The following MBL2 variants were observed in gnomAD, a reference collection of about 807,000 sequenced individuals.
MBL2 encodes mannose binding lectin 2.
In MBL2, 6 loss-of-function variants were observed where a neutral mutation model predicts 12.7. The ratio of observed to expected loss-of-function variants is 0.47; its 90% CI spans 0.26 to 0.94. The LOEUF (loss-of-function observed/expected upper bound fraction) is 0.94. MBL2 is among the 40% of genes least tolerant of loss of function. The pLI is 0.15. For synonymous variants in MBL2, 114 were observed against 112.0 expected (o/e 1.02, Z -0.11); for missense variants, 307 against 295.2 (o/e 1.04, Z -0.29).
At position 52,766,255 on chromosome 10, in the gene MBL2, C is replaced by G. The variant is rs920175419; in HGVS notation, c.*1882G>C. On this transcript the variant is annotated 3_prime_UTR_variant, in exon 5 of 5. Transcript: ENST00000674931. ...TCTAATATTTATATGGAAATCTTGACTTTAAGAAGAACAAAGCTGGACTAT... is the reference window on the plus strand; with the variant it reads ...TCTAATATTTATATGGAAATCTTGAGTTTAAGAAGAACAAAGCTGGACTAT... The G allele has an allele frequency of 6.6e-6, 1 of 152,038 alleles. No individual in the cohort carries two copies. Among genetic ancestry groups the G allele is most frequent in the African/African-American group, 2.4e-5 (1 of 41,420 alleles). 9.4% of individuals were successfully genotyped at this position (152,038 alleles called of 1,614,324 possible). A position where few individuals can be genotyped will look rare whatever the true frequency, so the allele number is the denominator to read the frequency against.
At chr10:52,771,383 T>A in intron 2 of MBL2, 66 bp downstream of exon 2, 1 of 1,568,860 alleles carries the variant, frequency 6.4e-7, no homozygotes, top group Non-Finnish European at 8.7e-7. Flanking sequence ...ATCAGTCTCC[T>A]CATATCCCCA....
intron 1 of MBL2, among the ~76,000 whole-genome samples, chr10:52,772,429 T>C (rs1199590518): frequency 1.3e-5 from 2 of 152,134 alleles, no homozygotes; most frequent in Non-Finnish European, 2.9e-5. Flanking sequence ...GTATTAACCT[T>C]TCATTTGTTC....
At chr10:52,770,597 G>T in intron 3 of MBL2, 73 bp downstream of exon 3, 1 of 907,260 alleles carries the variant, frequency 1.1e-6, no homozygotes, top group Non-Finnish European at 1.5e-6. Flanking sequence ...CAGGAGAAGG[G>T]GCACCTCTTA....
chr10:52,768,228 T>G lies in MBL2; in HGVS notation c.656A>C (p.Asp219Ala). Reference protein sequence around the residue: ...NEGEPNNAGSDEDCVLLLKNG... With the variant: ...NEGEPNNAGSAEDCVLLLKNG... ...TTTCAGTAGCAATACACAATCTTCA[T>G]CAGAACCAGCATTGTTGGGTTCACC... Residue 219 changes from aspartate (D) to alanine (A), a missense_variant, in exon 5 of 5, where the codon GAT (aspartate) becomes GCT (alanine). Transcript: ENST00000674931. 1 of 1,613,862 alleles carries G rather than the reference T, an allele frequency of 6.2e-7. No individual in the cohort carries two copies.
Position 52,767,383 on chromosome 10 carries a change from A to C in MBL2, c.*754T>G, listed in dbSNP as rs1307034450. The C allele has an allele frequency of 6.6e-6, 1 of 152,054 alleles. No individual in the cohort carries two copies. The highest frequency in any genetic ancestry group is 1.9e-4 in the East Asian group (1 of 5,204). The allele number at this position is 152,054 out of a possible 1,614,324, so 9.4% of individuals were successfully genotyped here. A position where few individuals can be genotyped will look rare whatever the true frequency, so the allele number is the denominator to read the frequency against. On this transcript the variant is annotated 3_prime_UTR_variant, in exon 5 of 5. Transcript: ENST00000674931. ...TAATTCTGAGTAAACAAGACATACAACATTACACACAATATGATTCCAACT... is the reference window on the plus strand; with the variant it reads ...TAATTCTGAGTAAACAAGACATACACCATTACACACAATATGATTCCAACT...
At chr10:52,769,907 A>G (rs919331776) in intron 3 of MBL2, among the ~76,000 whole-genome samples, 5 of 135,582 alleles carry the variant, frequency 3.7e-5, no homozygotes, top group Non-Finnish European at 6.2e-5. Flanking sequence ...TCGCATTAAG[A>G]CATGAGTCTA....
rs1479168994 is a variant in MBL2, at chr10:52,766,254, A to C, written c.*1883T>G. On this transcript the variant is annotated 3_prime_UTR_variant, in exon 5 of 5. Transcript: ENST00000674931. ...TTCTAATATTTATATGGAAATCTTG[A>C]CTTTAAGAAGAACAAAGCTGGACTA... 6.6e-6 allele frequency: 1 copy of C among 152,154 alleles called. No homozygotes were observed. The highest frequency in any genetic ancestry group is 1.5e-5 in the Non-Finnish European group (1 of 68,026). 9.4% of individuals were successfully genotyped at this position (152,154 alleles called of 1,614,324 possible). A position where few individuals can be genotyped will look rare whatever the true frequency, so the allele number is the denominator to read the frequency against.
At chr10:52,771,679 A>T (rs4647963) in intron 1 of MBL2, 35 bp from the exon 2 acceptor site, 1 of 1,589,184 alleles carries the variant, frequency 6.3e-7, no homozygotes, top group East Asian at 2.3e-5. Context: ...GGTTAATCTC[A>T]GTTAATGAAC....
chr10:52,770,812 C>T (rs1180468293), intron 2 of MBL2, 26 bp from the exon 3 acceptor site: 17 of 1,244,764 alleles, frequency 1.4e-5, no homozygotes, highest in Non-Finnish European at 1.4e-5. Context: ...GGAAATGTGA[C>T]TTAATATCTA....
rs932329762 is a variant in MBL2, at chr10:52,767,338, A to G, written c.*799T>C. Reference sequence around the variant, plus strand: ...AGGATGAAACTTTTGTACACATGACATGAATGAATCTCACAGACTTAATTC... The same window carrying G: ...AGGATGAAACTTTTGTACACATGACGTGAATGAATCTCACAGACTTAATTC... On this transcript the variant is annotated 3_prime_UTR_variant, in exon 5 of 5. Coordinates refer to ENST00000674931, the MANE Select transcript of MBL2 (RefSeq NM_001378373.1). 2.0e-5 allele frequency: 3 copies of G among 152,090 alleles called. No individual in the cohort carries two copies. The highest frequency in any genetic ancestry group is 6.5e-5 in the Admixed American group (1 of 15,272). 9.4% of individuals were successfully genotyped at this position (152,090 alleles called of 1,614,324 possible). A position where few individuals can be genotyped will look rare whatever the true frequency, so the allele number is the denominator to read the frequency against.
intron 4 of MBL2, 41 bp from the exon 5 acceptor site, chr10:52,768,551 G>A (rs1283979356): frequency 7.0e-7 from 1 of 1,433,342 alleles, no homozygotes; most frequent in Non-Finnish European, 9.4e-7. Flanking sequence ...TCATCCTTAA[G>A]CCCAACTCAA....
Position 52,767,888 on chromosome 10 carries a change from G to A in MBL2, c.*249C>T, listed in dbSNP as rs1840329754. On this transcript the variant is annotated 3_prime_UTR_variant, in exon 5 of 5. Transcript: ENST00000674931. Reference sequence around the variant, plus strand: ...TAATTAAACTAGATAATTAATGTAGGATGCAAAAGATAGGGCCTCATAGTA... The same window carrying A: ...TAATTAAACTAGATAATTAATGTAGAATGCAAAAGATAGGGCCTCATAGTA... 3.0e-6 allele frequency: 1 copy of A among 337,486 alleles called. No individual in the cohort carries two copies. The highest frequency in any genetic ancestry group is 4.7e-5 in the East Asian group (1 of 21,104). 20.9% of individuals were successfully genotyped at this position (337,486 alleles called of 1,614,324 possible). A position where few individuals can be genotyped will look rare whatever the true frequency, so the allele number is the denominator to read the frequency against.
chr10:52,770,622 T>A, intron 3 of MBL2, 48 bp downstream of exon 3: 1 of 1,183,222 alleles, frequency 8.5e-7, no homozygotes, highest in South Asian at 2.4e-5. Flanking sequence ...ATACTCAAGG[T>A]CTCAGAACCC....
At position 52,765,820 on chromosome 10, in the gene MBL2, G is replaced by A. The variant is rs1840296836; in HGVS notation, c.*2317C>T. 1 of 152,042 alleles carries A rather than the reference G, an allele frequency of 6.6e-6. No individual in the cohort carries two copies. The highest frequency in any genetic ancestry group is 2.4e-5 in the African/African-American group (1 of 41,394). 9.4% of individuals were successfully genotyped at this position (152,042 alleles called of 1,614,324 possible). On this transcript the variant is annotated 3_prime_UTR_variant, in exon 5 of 5. Coordinates refer to ENST00000674931, the MANE Select transcript of MBL2 (RefSeq NM_001378373.1). Reference sequence around the variant, plus strand: ...AGAAAAAAGGTAAAGCAATTGGGAAGAAGCAAGTATTGCCATATTTTCAGC... The same window carrying A: ...AGAAAAAAGGTAAAGCAATTGGGAAAAAGCAAGTATTGCCATATTTTCAGC...
At chr10:52,771,925 G>A (rs7096206) in intron 1 of MBL2, among the ~76,000 whole-genome samples, 1 of 152,050 alleles carries the variant, frequency 6.6e-6, no homozygotes, top group African/African-American at 2.4e-5. Context: ...ACATGCTTTC[G>A]GTGGCAGTGA....
rs1840412790 is a variant in MBL2, at chr10:52,772,701, C to T, written c.-10+36G>A. 6 of 984,862 alleles carry T rather than the reference C, an allele frequency of 6.1e-6. No individual in the cohort carries two copies. The African/African-American group carries it at 1.0e-4, about 17-fold the overall frequency. The allele number at this position is 984,862 out of a possible 1,614,324, so 61.0% of individuals were successfully genotyped here. A position where few individuals can be genotyped will look rare whatever the true frequency, so the allele number is the denominator to read the frequency against. On this transcript the variant is annotated intron_variant, in intron 1 of 4. Transcript: ENST00000674931. Reference sequence around the variant, plus strand: ...CATGTCAGCTCCCCAAACCCTTGATCCGGAAACCCAGATTTATTCACCAGA... The same window carrying T: ...CATGTCAGCTCCCCAAACCCTTGATTCGGAAACCCAGATTTATTCACCAGA...
chr10:52,768,411 A>G lies in MBL2; in HGVS notation c.473T>C (p.Phe158Ser). The G allele has an allele frequency of 6.2e-7, 1 of 1,613,490 alleles. No homozygotes were observed. Among genetic ancestry groups the G allele is most frequent in the Non-Finnish European group, 8.5e-7 (1 of 1,179,882 alleles). The change falls in exon 5 of 5, where the codon TTC (phenylalanine) becomes TCC (serine). Residue 158 changes from phenylalanine to serine, a missense_variant. Transcript: ENST00000674931. Reference protein sequence around the residue: ...FEKVKALCVKFQASVATPRNA... With the variant: ...FEKVKALCVKSQASVATPRNA... ...CCTGGGGGTGGCCACAGAGGCCTGGAACTTGACACACAAGGCCTTCACTTT... is the reference window on the plus strand; with the variant it reads ...CCTGGGGGTGGCCACAGAGGCCTGGGACTTGACACACAAGGCCTTCACTTT...
chr10:52,769,377 A>G lies in MBL2; in HGVS notation c.305-62T>C, dbSNP rs1368687488. On this transcript the variant is annotated intron_variant, in intron 3 of 4. Transcript: ENST00000674931. ...GAAGGAGCCTCAGAACTGTGCATAT[A>G]CAAGGGAGTGGAGTATCTTTTTCAA... The G allele has an allele frequency of 3.3e-6, 3 of 919,230 alleles. No homozygotes were observed. In the African/African-American group the frequency reaches 5.1e-5, roughly 16 times the overall value. 56.9% of individuals were successfully genotyped at this position (919,230 alleles called of 1,614,324 possible).
intron 1 of MBL2, among the ~76,000 whole-genome samples, chr10:52,771,899 T>C (rs2132695083): frequency 6.6e-6 from 1 of 152,324 alleles, no homozygotes; most frequent in East Asian, 1.9e-4. Flanking sequence ...CTGGCGTTGC[T>C]GCTGGAAGAC....
Sources: gnomAD v4.1 joint callset for allele counts (sites outside exome capture counted in the v4.1 genomes callset) on GRCh38, gnomAD v4.1.1 for gene constraint, MANE v1.5 for transcripts, NCBI Gene and HGNC (gene_info 2026-07-23, HGNC 2026-07-21) for gene names.